Variants in FAM169A observed in about 807,000 individuals in gnomAD.
FAM169A encodes family with sequence similarity 169 member A.
In FAM169A, 24 loss-of-function variants were observed where a neutral mutation model predicts 75.7. The observed-to-expected ratio is 0.32, with a 90% CI of 0.23 to 0.45. The LOEUF (loss-of-function observed/expected upper bound fraction) is 0.45, where lower values mean the gene tolerates loss of function less well. FAM169A is among the 20% of genes least tolerant of loss of function. The pLI, the probability that FAM169A is intolerant of heterozygous loss-of-function variation, is 1.00. For synonymous variants in FAM169A, 271 were observed against 271.0 expected, an observed-to-expected ratio of 1.00 and a Z score of 0.00; for missense variants, 673 against 784.0, an observed-to-expected ratio of 0.86 and a Z score of 1.69.
At chr5:74,790,175 G>C (rs1207907712) in intron 11 of FAM169A, among the ~76,000 whole-genome samples, 1 of 152,148 alleles carries the variant, frequency 6.6e-6, no homozygotes, top group East Asian at 1.9e-4. Context: ...TGGCCTTATG[G>C]GGAGTTCCCT....
chr5:74,817,290 A>G (rs1465823341), intron 5 of FAM169A, among the ~76,000 whole-genome samples: 1 of 152,108 alleles, frequency 6.6e-6, no homozygotes, highest in Non-Finnish European at 1.5e-5. Context: ...TCTTACATAT[A>G]GAAAATCCTA....
In FAM169A at chr5:74,799,924, C is replaced by T. The variant is rs544287235; in HGVS notation, c.1103+956G>A. ...TTCTGCAACACGGACAAGAGGGCCA[C>T]GACTGAGGGCTCCAACATGGCTTTG... is the stretch of plus-strand genomic sequence containing the variant. On this transcript the variant is annotated intron_variant, in intron 10 of 12. Coordinates refer to ENST00000687041, the MANE Select transcript of FAM169A (RefSeq NM_001376049.1). The T allele has an allele frequency of 1.7e-4, 144 of 855,046 alleles. 2 individuals carry two copies. Among genetic ancestry groups the T allele is most frequent in the Admixed American group, 5.7e-4 (33 of 58,274 alleles). The allele number at this position is 855,046 out of a possible 1,614,324, so 53.0% of individuals were successfully genotyped here.
At position 74,840,702 on chromosome 5, in the gene FAM169A, G is replaced by A. The variant is rs575968417; in HGVS notation, c.133-529C>T. ...AAATTAGCCGGGCATGGTGGTGGGC[G>A]CCTGTAGTCCTAGCTACTCGGGAGG... On this transcript the variant is annotated intron_variant, in intron 2 of 12. Coordinates refer to ENST00000687041, the MANE Select transcript of FAM169A (RefSeq NM_001376049.1). 5.3e-5 allele frequency among the ~76,000 whole-genome samples: 8 copies of A among 151,662 alleles called. No homozygotes were observed. The South Asian group carries it at 1.3e-3, about 24-fold the overall frequency.
intron 1 of FAM169A, among the ~76,000 whole-genome samples, chr5:74,845,983 T>C (rs1274406752): frequency 1.3e-5 from 2 of 152,202 alleles, no homozygotes; most frequent in African/African-American, 2.4e-5. Context: ...ATTAAAATTG[T>C]AGATGAAATT....
chr5:74,788,136 G>A (rs546045718), intron 11 of FAM169A, among the ~76,000 whole-genome samples: 2 of 152,276 alleles, frequency 1.3e-5, no homozygotes, highest in South Asian at 4.1e-4. Flanking sequence ...TTGATTCCGG[G>A]GGACCCAAAA....
At chr5:74,793,838 C>T (rs768793556) in intron 11 of FAM169A, among the ~76,000 whole-genome samples, 3 of 151,436 alleles carry the variant, frequency 2.0e-5, no homozygotes, top group African/African-American at 4.9e-5. Context: ...CCCGTCTCTA[C>T]TAAAAATAGA....
Position 74,834,500 on chromosome 5 carries a change from T to C in FAM169A, c.416A>G (p.His139Arg). The C allele has an allele frequency of 6.2e-7, 1 of 1,605,596 alleles. No individual in the cohort carries two copies. Among genetic ancestry groups the C allele is most frequent in the Admixed American group, 1.7e-5 (1 of 58,380 alleles). Reference protein sequence around the residue: ...MERNEIPFLCHSSTDYAKILW... With the variant: ...MERNEIPFLCRSSTDYAKILW... The stretch of plus-strand genomic sequence containing the variant: ...AATCTTAGCATAATCAGTACTGCTA[T>C]GACACAGGAATGGGATCTCATTTCT... Residue 139 changes from histidine (H) to arginine (R), a missense_variant, in exon 5 of 13, where the codon CAT becomes CGT. This residue lies in a region of FAM169A where 107 missense variants were observed against 180.8 expected (regional missense o/e 0.59). Transcript: ENST00000687041.
In FAM169A at chr5:74,779,704, C is replaced by A. The variant is rs1408496942; in HGVS notation, c.*1756G>T. 6.6e-6 allele frequency: 1 copy of A among 151,838 alleles called. No homozygotes were observed. Among genetic ancestry groups the A allele is most frequent in the Non-Finnish European group, 1.5e-5 (1 of 67,940 alleles). The allele number at this position is 151,838 out of a possible 1,614,324, so 9.4% of individuals were successfully genotyped here. ...TAATTTTCATTTAGAATGAAATAAT[C>A]TGGCTTACCTTTGACTAATTAAAGA... On this transcript the variant is annotated 3_prime_UTR_variant, in exon 13 of 13. Transcript: ENST00000687041.
chr5:74,819,229 A>G (rs1052270866), intron 5 of FAM169A, among the ~76,000 whole-genome samples: 1 of 152,146 alleles, frequency 6.6e-6, no homozygotes, highest in African/African-American at 2.4e-5. Context: ...AAGAAAAAAA[A>G]AAAAAAGGCA....
chr5:74,847,908 A>C (rs1212154615), intron 1 of FAM169A, among the ~76,000 whole-genome samples: 1 of 152,198 alleles, frequency 6.6e-6, no homozygotes, highest in African/African-American at 2.4e-5. Context: ...GAGTCTGACA[A>C]TTTAGATAAC....
intron 2 of FAM169A, among the ~76,000 whole-genome samples, chr5:74,840,815 C>A (rs190467776): frequency 6.7e-6 from 1 of 148,232 alleles, no homozygotes. Context: ...GGCGACAGAC[C>A]GAGACTCCAT....
chr5:74,803,841 C>G (rs539005384), intron 8 of FAM169A, among the ~76,000 whole-genome samples: 7 of 152,294 alleles, frequency 4.6e-5, no homozygotes, highest in Non-Finnish European at 1.0e-4. Context: ...ACTTCATAGT[C>G]TTTCACCTAC....
intron 11 of FAM169A, among the ~76,000 whole-genome samples, chr5:74,792,262 G>A (rs1746015649): frequency 6.6e-6 from 1 of 152,154 alleles, no homozygotes; most frequent in Non-Finnish European, 1.5e-5. Context: ...TTGATCCTGG[G>A]TGTGGCTGTA....
chr5:74,837,936 G>A (rs1421385261), intron 4 of FAM169A, among the ~76,000 whole-genome samples: 3 of 151,732 alleles, frequency 2.0e-5, no homozygotes, highest in African/African-American at 4.8e-5. Flanking sequence ...TGACCAACAT[G>A]GAGAAACATC....
chr5:74,855,261 T>A (rs192269633), intron 1 of FAM169A, among the ~76,000 whole-genome samples: 1 of 152,256 alleles, frequency 6.6e-6, no homozygotes, highest in East Asian at 1.9e-4. Context: ...GGTGGCACAA[T>A]CCCAGCTCAC....
intron 6 of FAM169A, among the ~76,000 whole-genome samples, chr5:74,807,366 T>C (rs544976221): frequency 3.8e-4 from 58 of 152,304 alleles, no homozygotes; most frequent in East Asian, 5.8e-4. Flanking sequence ...CTGTAGAGTA[T>C]TGGTTGGTTG....
At chr5:74,858,991 A>T (rs888937296) in intron 1 of FAM169A, among the ~76,000 whole-genome samples, 11 of 152,098 alleles carry the variant, frequency 7.2e-5, no homozygotes, top group Non-Finnish European at 1.5e-5. Context: ...AGGCATGTGG[A>T]TCACCTGAGA....
rs73116724 is a variant in FAM169A, at chr5:74,810,414, C to G, written c.670+3426G>C. Reference sequence around the variant, plus strand: ...CAGTAGCAAGGGTCCATATGTTTGTCAGAAGTCAGCAAAAATGTACACTTT... The same window carrying G: ...CAGTAGCAAGGGTCCATATGTTTGTGAGAAGTCAGCAAAAATGTACACTTT... On this transcript the variant is annotated intron_variant, in intron 6 of 12. Transcript: ENST00000687041. 1.5e-3 allele frequency among the ~76,000 whole-genome samples: 227 copies of G among 152,058 alleles called. 1 individual carries two copies. Among genetic ancestry groups the G allele is most frequent in the African/African-American group, 5.3e-3 (218 of 41,480 alleles).
chr5:74,810,224 A>T (rs1034187603), intron 6 of FAM169A, among the ~76,000 whole-genome samples: 1 of 152,210 alleles, frequency 6.6e-6, no homozygotes, highest in African/African-American at 2.4e-5. Flanking sequence ...TAGAGATACC[A>T]TATATTTCCA....
Sources: allele counts gnomAD v4.1 joint callset (sites outside exome capture counted in the v4.1 genomes callset), GRCh38; gene constraint gnomAD v4.1.1; regional missense constraint gnomAD v4.1.1; transcripts MANE v1.5; gene names NCBI Gene and HGNC (gene_info 2026-07-23, HGNC 2026-07-21).